Variants in MID2 observed in about 807,000 individuals in gnomAD.
The protein encoded by MID2 is midline 2.
In MID2, 13 loss-of-function variants were observed where a neutral mutation model predicts 46.1. The ratio of observed to expected loss-of-function variants is 0.28; its 90% confidence interval spans 0.18 to 0.45. The LOEUF (loss-of-function observed/expected upper bound fraction) is 0.45, where lower values mean the gene tolerates loss of function less well. Ranked by LOEUF, MID2 falls within the 20% of genes least tolerant of loss-of-function variation. The probability of loss-of-function intolerance (pLI) is 1.00; values close to 1 mark genes in which losing one functional copy is unlikely to be tolerated. For synonymous variants in MID2, 199 were observed against 212.3 expected, an observed-to-expected ratio of 0.94 and a Z score of 0.55; for missense variants, 431 against 575.4, an observed-to-expected ratio of 0.75 and a Z score of 2.57.
chrX:107,866,773 T>C (rs1931967972), intron 3 of MID2, among the ~76,000 whole-genome samples: 1 of 112,222 alleles, frequency 8.9e-6, no homozygotes, highest in Non-Finnish European at 1.9e-5. Context: ...GTAAGTGCTG[T>C]AGTAGTTCGG....
At chrX:107,924,617 A>C in intron 8 of MID2, 113 bp downstream of exon 8, 1 of 815,421 alleles carries the variant, frequency 1.2e-6, no homozygotes, top group Non-Finnish European at 1.8e-6. Context: ...TACTGGGTAG[A>C]GGAGCTATAC....
chrX:107,830,167 G>T (rs975270214), intron 1 of MID2, among the ~76,000 whole-genome samples: 3 of 112,282 alleles, frequency 2.7e-5, no homozygotes, highest in African/African-American at 9.7e-5. Context: ...AGAGAATGTT[G>T]TCTTCTCATT....
At chrX:107,858,529 G>A (rs1931791535) in intron 3 of MID2, among the ~76,000 whole-genome samples, 1 of 112,115 alleles carries the variant, frequency 8.9e-6, no homozygotes, top group Non-Finnish European at 1.9e-5. Context: ...GTAATCAGTT[G>A]GTCAACAGCA....
intron 3 of MID2, among the ~76,000 whole-genome samples, chrX:107,855,874 G>C (rs1233921567): frequency 8.9e-6 from 1 of 111,831 alleles, no homozygotes; most frequent in East Asian, 2.8e-4. Context: ...GGTCCATAGA[G>C]TACTGGTCAA....
At position 107,927,644 on chromosome X, in the gene MID2, T is replaced by G. The variant is rs1933207173; in HGVS notation, c.*571T>G. ...ATATATTCACTTGTGTATGTATGTT[T>G]ATGCATATTCACTTTATATATTACA... On this transcript the variant is annotated 3_prime_UTR_variant, in exon 10 of 10. Transcript: ENST00000262843. 8.9e-6 allele frequency among the ~76,000 whole-genome samples: 1 copy of G among 112,245 alleles called. No homozygotes were observed. Among genetic ancestry groups the G allele is most frequent in the Admixed American group, 9.4e-5 (1 of 10,584 alleles).
chrX:107,892,649 T>C (rs1027695599), intron 3 of MID2, among the ~76,000 whole-genome samples: 2 of 111,940 alleles, frequency 1.8e-5, no homozygotes, highest in African/African-American at 6.5e-5. Context: ...TTAAAACCCA[T>C]TATGATCTGG....
chrX:107,922,655 A>C (rs1933093356), intron 7 of MID2, among the ~76,000 whole-genome samples: 1 of 111,810 alleles, frequency 8.9e-6, no homozygotes, highest in South Asian at 3.7e-4. Flanking sequence ...TTGTAAATCC[A>C]AGCAAATATA....
chrX:107,838,459 A>T (rs955584006), intron 1 of MID2, among the ~76,000 whole-genome samples: 3 of 112,335 alleles, frequency 2.7e-5, no homozygotes, highest in Non-Finnish European at 5.6e-5. Context: ...GCACCTGTAA[A>T]TTCTAAAAGA....
intron 2 of MID2, among the ~76,000 whole-genome samples, chrX:107,849,284 G>A (rs1931557067): frequency 8.9e-6 from 1 of 111,973 alleles, no homozygotes; most frequent in African/African-American, 3.2e-5. Context: ...AGGTTGATGT[G>A]TGTAGGAGTG....
At chrX:107,924,999 C>T (rs1370794339) in intron 8 of MID2, among the ~76,000 whole-genome samples, 2 of 112,409 alleles carry the variant, frequency 1.8e-5, no homozygotes, top group East Asian at 2.8e-4. Context: ...AGCTGCTCTG[C>T]GATGTCATAA....
chrX:107,828,883 CT>C (rs1198201233), intron 1 of MID2, among the ~76,000 whole-genome samples: 2 of 110,906 alleles, frequency 1.8e-5, no homozygotes, highest in Non-Finnish European at 3.8e-5. Context: ...CAGCATTATA[CT>C]TTTTTTTTCC....
At chrX:107,861,989 C>G in intron 3 of MID2, among the ~76,000 whole-genome samples, 1 of 112,122 alleles carries the variant, frequency 8.9e-6, no homozygotes, top group Non-Finnish European at 1.9e-5. Flanking sequence ...GCTGTGCAAC[C>G]TTGAACACAT....
At chrX:107,834,359 G>A (rs778756162) in intron 1 of MID2, among the ~76,000 whole-genome samples, 2 of 111,548 alleles carry the variant, frequency 1.8e-5, no homozygotes, top group Non-Finnish European at 3.8e-5. Flanking sequence ...GCAATTGATC[G>A]TGCCCTCTCA....
chrX:107,921,123 G>A (rs1404034274), intron 7 of MID2, among the ~76,000 whole-genome samples: 2 of 111,755 alleles, frequency 1.8e-5, no homozygotes, highest in African/African-American at 6.5e-5. Flanking sequence ...ACATTTAATT[G>A]TCGTATCTCT....
In MID2 at chrX:107,893,779, G is replaced by C. The variant is rs1932654026; in HGVS notation, c.817-10179G>C. On this transcript the variant is annotated intron_variant, in intron 3 of 9. Coordinates refer to ENST00000262843, the MANE Select transcript of MID2 (RefSeq NM_012216.4). ...TATTCATCTAAAAAATAGGATGATA[G>C]TATGTACTTTGAAGAGTTATTCTGA... 4.4e-5 allele frequency among the ~76,000 whole-genome samples: 5 copies of C among 112,690 alleles called. No homozygotes were observed. The Admixed American group carries it at 4.7e-4, about 11-fold the overall frequency.
chrX:107,912,661 C>T (rs761615681), intron 5 of MID2, among the ~76,000 whole-genome samples: 4 of 111,489 alleles, frequency 3.6e-5, no homozygotes, highest in African/African-American at 3.3e-5. Flanking sequence ...TCTCATTACA[C>T]GTTCTCCTTG....
At chrX:107,897,008 T>C (rs942069024) in intron 3 of MID2, among the ~76,000 whole-genome samples, 1 of 111,787 alleles carries the variant, frequency 8.9e-6, no homozygotes, top group African/African-American at 3.3e-5. Flanking sequence ...ATGGGGTTAA[T>C]GGGAAAAGTA....
In MID2 at chrX:107,845,525, A is replaced by ACACACTCTCTCTCTCTCTCT. The variant is rs1276957001; in HGVS notation, c.720+4141_720+4142insACACTCTCTCTCTCTCTCTC. ...CACACACACACACACACACACACAC[A>ACACACTCTCTCTCTCTCTCT]CTCTCTCTCTCTCTCTCTCTCTCTC... is the stretch of plus-strand genomic sequence containing the variant. On this transcript the variant is annotated intron_variant, in intron 2 of 9. Coordinates refer to ENST00000262843, the MANE Select transcript of MID2 (RefSeq NM_012216.4). Among the ~76,000 whole-genome samples the ACACACTCTCTCTCTCTCTCT allele has an allele frequency of 1.1e-3, 79 of 72,940 alleles. 1 individual carries two copies. Among genetic ancestry groups the ACACACTCTCTCTCTCTCTCT allele is most frequent in the African/African-American group, 5.6e-3 (74 of 13,208 alleles). The allele number at this position is 72,940 out of a possible 115,157, so 63.3% of individuals were successfully genotyped here. A position where few individuals can be genotyped will look rare whatever the true frequency, so the allele number is the denominator to read the frequency against.
At chrX:107,829,011 C>T (rs181625469) in intron 1 of MID2, among the ~76,000 whole-genome samples, 1 of 111,943 alleles carries the variant, frequency 8.9e-6, no homozygotes, top group East Asian at 2.8e-4. Context: ...TCCTTAGTAG[C>T]TGGGACTATA....
Sources: gnomAD v4.1 joint callset for allele counts (sites outside exome capture counted in the v4.1 genomes callset) on GRCh38, gnomAD v4.1.1 for gene constraint, MANE v1.5 for transcripts, NCBI Gene and HGNC (gene_info 2026-07-23, HGNC 2026-07-21) for gene names.